The following CACHD1 variants were observed in gnomAD, a reference collection of about 807,000 sequenced individuals.
CACHD1 encodes VWFA and cache domain-containing protein 1.
In CACHD1, 71 loss-of-function variants were observed where a neutral mutation model predicts 138.7. The ratio of observed to expected loss-of-function variants is 0.51; its 90% confidence interval spans 0.42 to 0.62. CACHD1 has a LOEUF of 0.62. Ranked by LOEUF, CACHD1 falls within the 20% of genes least tolerant of loss-of-function variation. The pLI is 0.00. For synonymous variants in CACHD1, 578 were observed against 591.5 expected (o/e 0.98, Z 0.33); for missense variants, 1,389 against 1,625.3 (o/e 0.85, Z 2.50).
intron 4 of CACHD1, among the ~76,000 whole-genome samples, chr1:64,612,210 A>G (rs1647557962): frequency 6.6e-6 from 1 of 152,212 alleles, no homozygotes; most frequent in African/African-American, 2.4e-5. Context: ...CCTATCATGA[A>G]CCATAAAAGC....
intron 8 of CACHD1, among the ~76,000 whole-genome samples, chr1:64,642,334 C>G (rs573039502): frequency 3.0e-4 from 46 of 152,150 alleles, no homozygotes; most frequent in Non-Finnish European, 5.1e-4. Flanking sequence ...AAGCACTGAC[C>G]TAGATTCTTC....
chr1:64,475,190 T>TTTC (rs1553125368), intron 1 of CACHD1, among the ~76,000 whole-genome samples: 2 of 149,690 alleles, frequency 1.3e-5, no homozygotes, highest in African/African-American at 2.5e-5. Context: ...TTTTTTTTTT[T>TTTC]CTTAAGAGAC....
rs910461639 is a variant in CACHD1 at position 64,691,429 on chromosome 1, G to C, written c.3693G>C (p.Leu1231=). ...GAAACCATGATGAGGACTTAGACCT[G>C]GATACCCCCCCTCAGACTGCTGCCC... is the stretch of plus-strand genomic sequence containing the variant. ...DVGNHDEDLD[L]DTPPQTAALL... The change falls in exon 27 of 27, where the codon CTG becomes CTC. Residue 1231 remains leucine (L), a synonymous_variant. Transcript: ENST00000651257. The C allele has an allele frequency of 1.2e-6, 2 of 1,614,060 alleles. No individual in the cohort carries two copies. The highest frequency in any genetic ancestry group is 1.7e-6 in the Non-Finnish European group (2 of 1,180,022).
chr1:64,664,493 C>T lies in CACHD1; in HGVS notation c.2095-5C>T, dbSNP rs1281671594. ...ATCCCTGCTATGTCTTCCTTTGTTT[C>T]CCAGTTCTCTGTCAGAAATGAAGTA... On this transcript the variant is annotated splice_region_variant and splice_polypyrimidine_tract_variant and intron_variant, in intron 14 of 26. Transcript: ENST00000651257. 1 of 1,613,900 alleles carries T rather than the reference C, an allele frequency of 6.2e-7. No homozygotes were observed. Among genetic ancestry groups the T allele is most frequent in the East Asian group, 2.2e-5 (1 of 44,868 alleles).
chr1:64,573,723 G>A (rs1373130839), intron 2 of CACHD1, among the ~76,000 whole-genome samples: 2 of 152,184 alleles, frequency 1.3e-5, no homozygotes, highest in Non-Finnish European at 2.9e-5. Context: ...AATGCACAGT[G>A]CAGTGGTTCA....
chr1:64,689,455 A>C (rs562668420), intron 26 of CACHD1, among the ~76,000 whole-genome samples: 1 of 152,096 alleles, frequency 6.6e-6, no homozygotes, highest in Non-Finnish European at 1.5e-5. Context: ...AATCTGTCCA[A>C]TCCCACTGCC....
intron 3 of CACHD1, among the ~76,000 whole-genome samples, chr1:64,592,548 A>G (rs969804711): frequency 1.5e-4 from 23 of 152,192 alleles, no homozygotes; most frequent in Non-Finnish European, 1.6e-4. Flanking sequence ...CCACAGATAG[A>G]TCTAGGGGAA....
At chr1:64,600,237 G>T (rs1204975480) in intron 3 of CACHD1, among the ~76,000 whole-genome samples, 6 of 152,160 alleles carry the variant, frequency 3.9e-5, no homozygotes, top group East Asian at 3.9e-4. Context: ...CTACAGGGAA[G>T]TACCAGTGCT....
chr1:64,496,688 G>A (rs1646307913), intron 1 of CACHD1, among the ~76,000 whole-genome samples: 1 of 152,078 alleles, frequency 6.6e-6, no homozygotes, highest in Admixed American at 6.6e-5. Flanking sequence ...ATAAGAATCT[G>A]TTAGAGAGGT....
chr1:64,527,536 G>A lies in CACHD1; in HGVS notation c.199-23058G>A, dbSNP rs1012994715. On this transcript the variant is annotated intron_variant, in intron 1 of 26. Coordinates refer to ENST00000651257, the MANE Select transcript of CACHD1 (RefSeq NM_020925.4). Reference sequence around the variant, plus strand: ...GTGATGGCATTTGCTGCGTTTTTAGGGTCTGGAGGAAGTGAATTTTGACCT... The same window carrying A: ...GTGATGGCATTTGCTGCGTTTTTAGAGTCTGGAGGAAGTGAATTTTGACCT... Among the ~76,000 whole-genome samples, 6 of 152,158 alleles carry A rather than the reference G, an allele frequency of 3.9e-5. No homozygotes were observed. In the South Asian group the frequency reaches 8.3e-4, roughly 21 times the overall value.
At chr1:64,571,960 G>A (rs546279776) in intron 2 of CACHD1, among the ~76,000 whole-genome samples, 11 of 152,180 alleles carry the variant, frequency 7.2e-5, no homozygotes, top group Admixed American at 4.6e-4. Context: ...TTTGAAATGC[G>A]TCTATGTTAC....
At chr1:64,484,208 A>C (rs1570295438) in intron 1 of CACHD1, among the ~76,000 whole-genome samples, 1 of 152,050 alleles carries the variant, frequency 6.6e-6, no homozygotes, top group African/African-American at 2.4e-5. Context: ...GATGGAAAGG[A>C]GGAGCCAATC....
chr1:64,676,228 CA>C (rs940644477), intron 21 of CACHD1, among the ~76,000 whole-genome samples: 2 of 151,778 alleles, frequency 1.3e-5, no homozygotes, highest in Non-Finnish European at 2.9e-5. Context: ...GTGCTACATA[CA>C]AAAAAATGTG....
At chr1:64,568,268 AGCGTAACATT>A (rs1474520567) in intron 2 of CACHD1, among the ~76,000 whole-genome samples, 3 of 152,274 alleles carry the variant, frequency 2.0e-5, no homozygotes, top group East Asian at 3.9e-4. Context: ...GTGGGATGAA[AGCGTAACATT>A]GTTACGCTTT....
intron 1 of CACHD1, among the ~76,000 whole-genome samples, chr1:64,543,926 C>T (rs111605387): frequency 2.3e-4 from 29 of 123,962 alleles, no homozygotes; most frequent in African/African-American, 8.0e-4. Context: ...GCCATGTGAT[C>T]CACCGGCCTC....
intron 1 of CACHD1, among the ~76,000 whole-genome samples, chr1:64,516,770 T>C (rs1646462747): frequency 6.6e-6 from 1 of 152,244 alleles, no homozygotes; most frequent in Admixed American, 6.5e-5. Flanking sequence ...TTCTATAATA[T>C]AGAAACATTT....
chr1:64,690,174 G>C (rs1007296955), intron 26 of CACHD1, among the ~76,000 whole-genome samples: 1 of 152,160 alleles, frequency 6.6e-6, no homozygotes, highest in African/African-American at 2.4e-5. Flanking sequence ...ACAGTGACTT[G>C]TATATTATAG....
At chr1:64,554,702 G>A (rs142588013) in intron 2 of CACHD1, among the ~76,000 whole-genome samples, 7 of 152,022 alleles carry the variant, frequency 4.6e-5, no homozygotes, top group African/African-American at 1.7e-4. Flanking sequence ...TTTTTTAGTT[G>A]TTTATTTTAG....
chr1:64,471,892 T>G (rs1646147527), intron 1 of CACHD1, among the ~76,000 whole-genome samples: 1 of 152,226 alleles, frequency 6.6e-6, no homozygotes, highest in Admixed American at 6.5e-5. Flanking sequence ...CTGGAGATTC[T>G]GCCCCGCTGT....
Sources: allele counts gnomAD v4.1 joint callset (sites outside exome capture counted in the v4.1 genomes callset), GRCh38; gene constraint gnomAD v4.1.1; transcripts MANE v1.5; gene names NCBI Gene and HGNC (gene_info 2026-07-23, HGNC 2026-07-21).